CDH23: variants seen among roughly 807,000 people sequenced by gnomAD.
The protein encoded by CDH23 is cadherin-23.
CDH23 carries 189 observed loss-of-function variants against 317.1 expected under a neutral mutation model. The ratio of observed to expected loss-of-function variants is 0.60; its 90% CI spans 0.53 to 0.67. The LOEUF (loss-of-function observed/expected upper bound fraction) is 0.67. CDH23 is among the 30% of genes least tolerant of loss of function. The pLI, the probability that CDH23 is intolerant of heterozygous loss-of-function variation, is 0.00. For synonymous variants in CDH23, 1,839 were observed against 1,876.8 expected (o/e 0.98, Z 0.52); for missense variants, 4,401 against 4,592.4 (o/e 0.96, Z 1.20).
At position 71,815,101 on chromosome 10, in the gene CDH23, C is replaced by T. The variant is rs1350699950; in HGVS notation, c.9888C>T (p.Asp3296=). Residue 3296 remains aspartate (D), a synonymous_variant, in exon 70 of 70, where the codon GAC becomes GAT. Transcript: ENST00000224721. ...HGSTGTLLAT[D]LNSLPEEDQK... is the part of the protein sequence containing the mutation. ...GCACGGGCACGCTGCTGGCCACCGA[C>T]CTCAACAGCCTGCCCGAGGAAGACC... is the stretch of plus-strand genomic sequence containing the variant. The T allele has an allele frequency of 6.2e-7, 1 of 1,611,264 alleles. No homozygotes were observed. Among genetic ancestry groups the T allele is most frequent in the South Asian group, 1.1e-5 (1 of 90,758 alleles).
Position 71,510,077 on chromosome 10 carries a change from T to A in CDH23, c.146-5T>A, listed in dbSNP as rs1173485316. Reference sequence around the variant, plus strand: ...TCCCTCTGCTCTCTCCCTTGGCTACTCCAGGTTCTTCTGTGACCCAGTTGC... The same window carrying A: ...TCCCTCTGCTCTCTCCCTTGGCTACACCAGGTTCTTCTGTGACCCAGTTGC... On this transcript the variant is annotated splice_polypyrimidine_tract_variant and splice_region_variant and intron_variant, in intron 3 of 69. Coordinates refer to ENST00000224721, the MANE Select transcript of CDH23 (RefSeq NM_022124.6). 1 of 1,613,896 alleles carries A rather than the reference T, an allele frequency of 6.2e-7. No individual in the cohort carries two copies. Among genetic ancestry groups the A allele is most frequent in the Non-Finnish European group, 8.5e-7 (1 of 1,179,888 alleles).
In CDH23 at chr10:71,815,379, C is replaced by T. The variant is rs549966170; in HGVS notation, c.*101C>T. On this transcript the variant is annotated 3_prime_UTR_variant, in exon 70 of 70. Transcript: ENST00000224721. ...GCCGGTCGGGGGGGACCCTCCAAGG[C>T]CAGGCCTTGGGGACAACCTTGGCTT... The T allele has an allele frequency of 2.5e-6, 3 of 1,186,396 alleles. No homozygotes were observed. Among genetic ancestry groups the T allele is most frequent in the African/African-American group, 3.1e-5 (2 of 64,674 alleles). 73.5% of individuals were successfully genotyped at this position (1,186,396 alleles called of 1,614,324 possible).
At position 71,732,061 on chromosome 10, in the gene CDH23, C is replaced by T. The variant is rs972197024; in HGVS notation, c.3790C>T (p.Leu1264Phe). Residue 1264 changes from leucine (L) to phenylalanine (F), a missense_variant, in exon 32 of 70, where the codon CTT becomes TTT. By Grantham distance (22) the Leu-to-Phe change is conservative. This residue lies in a region of CDH23 where 3,068 missense variants were observed against 3,203.3 expected (regional missense o/e 0.96). Coordinates refer to ENST00000224721, the MANE Select transcript of CDH23 (RefSeq NM_022124.6). Reference protein sequence around the residue: ...GKFEIDESTGLIITVNYLDYE... With the variant: ...GKFEIDESTGFIITVNYLDYE... ...GTTTGAGATTGACGAGAGCACAGGG[C>T]TTATCATCACCGTGAATTACCTGGA... 1.9e-6 allele frequency: 3 copies of T among 1,613,914 alleles called. No homozygotes were observed. Among genetic ancestry groups the T allele is most frequent in the African/African-American group, 2.7e-5 (2 of 74,918 alleles).
intron 3 of CDH23, among the ~76,000 whole-genome samples, chr10:71,446,798 G>T (rs1202312739): frequency 6.6e-6 from 1 of 152,178 alleles, no homozygotes; most frequent in African/African-American, 2.4e-5. Flanking sequence ...AACTATTTAG[G>T]GGGTGATTAT....
rs1295701847 is a variant in CDH23 at position 71,807,336 on chromosome 10, C to T, written c.8238C>T (p.Leu2746=). The T allele has an allele frequency of 4.3e-6, 7 of 1,613,892 alleles. No homozygotes were observed. The highest frequency in any genetic ancestry group is 3.3e-5 in the Admixed American group (2 of 60,004). ...TVPEHSPRGT[L]VGNVTGAVDA... Reference sequence around the variant, plus strand: ...CTGAGCACTCACCACGCGGCACCCTCGTGGGCAACGTGACAGGCGCAGTGG... The same window carrying T: ...CTGAGCACTCACCACGCGGCACCCTTGTGGGCAACGTGACAGGCGCAGTGG... The change falls in exon 58 of 70, where the codon CTC becomes CTT. Residue 2746 remains leucine (L), a synonymous_variant. Coordinates refer to ENST00000224721, the MANE Select transcript of CDH23 (RefSeq NM_022124.6).
chr10:71,557,360 T>A (rs1856921467), intron 6 of CDH23, among the ~76,000 whole-genome samples: 1 of 152,200 alleles, frequency 6.6e-6, no homozygotes. Flanking sequence ...AACAACATTC[T>A]CCCTGGAGTG....
At chr10:71,431,759 C>T (rs1849381462) in intron 1 of CDH23, among the ~76,000 whole-genome samples, 1 of 152,220 alleles carries the variant, frequency 6.6e-6, no homozygotes, top group Non-Finnish European at 1.5e-5. Flanking sequence ...GCTCTATTCT[C>T]TCATGTCCCC....
At chr10:71,642,385 C>T (rs1487031843) in intron 11 of CDH23, among the ~76,000 whole-genome samples, 9 of 146,970 alleles carry the variant, frequency 6.1e-5, no homozygotes, top group African/African-American at 2.5e-5. Flanking sequence ...CAGAAGCTGG[C>T]CCGGCCTCTT....
intron 38 of CDH23, chr10:71,750,956 G>A (rs1839983248): frequency 1.6e-5 from 6 of 364,418 alleles, no homozygotes; most frequent in South Asian, 5.9e-5. Context: ...AGGGCTGGAC[G>A]TTCTGAGACT....
chr10:71,662,743 G>A (rs1356778336), intron 14 of CDH23, among the ~76,000 whole-genome samples: 1 of 152,192 alleles, frequency 6.6e-6, no homozygotes, highest in African/African-American at 2.4e-5. Flanking sequence ...CTGACTGTGA[G>A]CTTCTTGCTC....
At chr10:71,789,230 G>C (rs1255366760) in intron 45 of CDH23, among the ~76,000 whole-genome samples, 188 bp downstream of exon 45, 1 of 152,200 alleles carries the variant, frequency 6.6e-6, no homozygotes, top group Non-Finnish European at 1.5e-5. Context: ...TGAGCACAAA[G>C]AAGCCACAGG....
At chr10:71,646,015 T>A in intron 13 of CDH23, 35 bp downstream of exon 13, 4 of 1,596,008 alleles carry the variant, frequency 2.5e-6, no homozygotes, top group Non-Finnish European at 3.4e-6. Flanking sequence ...TGGAGTGGGG[T>A]GGGGGGTGGA....
At chr10:71,801,844 C>T (rs977350200) in intron 53 of CDH23, among the ~76,000 whole-genome samples, 3 of 152,164 alleles carry the variant, frequency 2.0e-5, no homozygotes, top group Non-Finnish European at 4.4e-5. Context: ...TTGGGAAAAA[C>T]ACAGCATTTG....
At chr10:71,699,055 C>T (rs1407625506) in intron 22 of CDH23, among the ~76,000 whole-genome samples, 4 of 152,164 alleles carry the variant, frequency 2.6e-5, no homozygotes, top group African/African-American at 9.6e-5. Context: ...GGGGAGTGGT[C>T]GGTAAATGGT....
chr10:71,423,718 G>A (rs955929339), intron 1 of CDH23, among the ~76,000 whole-genome samples: 1 of 152,190 alleles, frequency 6.6e-6, no homozygotes, highest in Non-Finnish European at 1.5e-5. Context: ...TTAGGGTCAT[G>A]CCTCTATCCT....
intron 11 of CDH23, among the ~76,000 whole-genome samples, chr10:71,627,848 C>T (rs541777517): frequency 1.3e-5 from 2 of 152,212 alleles, no homozygotes; most frequent in Non-Finnish European, 2.9e-5. Context: ...AAAGCAGTGG[C>T]GGGGCTTCCT....
intron 6 of CDH23, among the ~76,000 whole-genome samples, chr10:71,555,651 C>T (rs1429421833): frequency 6.6e-6 from 1 of 152,126 alleles, no homozygotes; most frequent in Non-Finnish European, 1.5e-5. Flanking sequence ...TGGGGGATCT[C>T]CAAATTCTAC....
chr10:71,785,737 G>T lies in CDH23; in HGVS notation c.5819G>T (p.Arg1940Met). Residue 1940 changes from arginine to methionine, a missense_variant and splice_region_variant, in exon 44 of 70, where the codon AGG becomes ATG. Transcript: ENST00000224721. ...DNPENPRIAR[R>M]DYDLLLIFLS... ...CCGGAGAATCCACGCATAGCCAGGA[G>T]GGTGAGACTGGAGGGCACTGGTGGG... is the stretch of plus-strand genomic sequence containing the variant. 2 of 1,583,598 alleles carry T rather than the reference G, an allele frequency of 1.3e-6. No individual in the cohort carries two copies. Among genetic ancestry groups the T allele is most frequent in the Non-Finnish European group, 1.7e-6 (2 of 1,158,960 alleles).
At chr10:71,664,891 C>T (rs1029820487) in intron 14 of CDH23, among the ~76,000 whole-genome samples, 2 of 147,582 alleles carry the variant, frequency 1.4e-5, no homozygotes, top group African/African-American at 5.0e-5. Context: ...TCCCTCTCCC[C>T]TCCCCATCTT....
Sources: gnomAD v4.1 joint callset for allele counts (sites outside exome capture counted in the v4.1 genomes callset) on GRCh38, gnomAD v4.1.1 for gene constraint, gnomAD v4.1.1 regional missense constraint, MANE v1.5 for transcripts, NCBI Gene and HGNC (gene_info 2026-07-23, HGNC 2026-07-21) for gene names.